The following ADAM12 variants were observed in gnomAD, a reference collection of about 807,000 sequenced individuals.
The protein encoded by ADAM12 is ADAM metallopeptidase domain 12.
In ADAM12, 70 loss-of-function variants were observed where a neutral mutation model predicts 106.4. That is an observed-to-expected ratio of 0.66 (90% CI 0.54 to 0.80). The LOEUF (loss-of-function observed/expected upper bound fraction) is 0.80. Among genes scored for constraint, ADAM12 ranks in the 30% least tolerant of loss-of-function variants. The probability of loss-of-function intolerance (pLI) is 0.00; values close to 1 mark genes in which losing one functional copy is unlikely to be tolerated. For synonymous variants in ADAM12, 420 were observed against 433.5 expected, an observed-to-expected ratio of 0.97 and a Z score of 0.39; for missense variants, 1,010 against 1,171.9, an observed-to-expected ratio of 0.86 and a Z score of 2.02.
intron 8 of ADAM12, among the ~76,000 whole-genome samples, chr10:126,108,383 C>G (rs1955813067): frequency 6.6e-6 from 1 of 152,114 alleles, no homozygotes; most frequent in East Asian, 1.9e-4. Flanking sequence ...GACATGTCAC[C>G]AAGGCCACCA....
At chr10:126,323,061 C>T (rs73386750) in intron 2 of ADAM12, among the ~76,000 whole-genome samples, 3,925 of 152,200 alleles carry the variant, frequency 0.026, 161 homozygotes, top group African/African-American at 0.088. Context: ...CCCAGAGAGT[C>T]TGGGAACAGT....
intron 6 of ADAM12, among the ~76,000 whole-genome samples, chr10:126,115,618 C>CA (rs1955967391): frequency 6.6e-6 from 1 of 152,188 alleles, no homozygotes; most frequent in Non-Finnish European, 1.5e-5. Flanking sequence ...AAGAAAAACG[C>CA]AAACATCTGC....
intron 3 of ADAM12, among the ~76,000 whole-genome samples, chr10:126,179,630 T>C (rs1957278330): frequency 6.6e-6 from 1 of 152,220 alleles, no homozygotes; most frequent in African/African-American, 2.4e-5. Context: ...CTTGGATTAA[T>C]TTGTTAATTA....
chr10:126,170,204 G>A (rs945008121), intron 3 of ADAM12, among the ~76,000 whole-genome samples: 2 of 152,186 alleles, frequency 1.3e-5, no homozygotes, highest in Admixed American at 6.5e-5. Context: ...CGTAGAATGT[G>A]TGTTAGATCA....
chr10:126,204,616 C>T (rs372729010), intron 3 of ADAM12, among the ~76,000 whole-genome samples: 2 of 152,134 alleles, frequency 1.3e-5, no homozygotes, highest in African/African-American at 2.4e-5. Flanking sequence ...CTCAAGAGAC[C>T]GCAAATGAAA....
intron 1 of ADAM12, among the ~76,000 whole-genome samples, chr10:126,358,543 A>C (rs1855628742): frequency 6.6e-6 from 1 of 152,220 alleles, no homozygotes; most frequent in Non-Finnish European, 1.5e-5. Flanking sequence ...ATCATACTCA[A>C]TGGTAAAAAA....
intron 6 of ADAM12, among the ~76,000 whole-genome samples, chr10:126,111,756 C>G (rs890165311): frequency 6.6e-6 from 1 of 152,152 alleles, no homozygotes; most frequent in Non-Finnish European, 1.5e-5. Context: ...CAGAGAACTG[C>G]AAGCTCAGAG....
intron 3 of ADAM12, among the ~76,000 whole-genome samples, chr10:126,253,976 GTC>G (rs1478125102): frequency 2.6e-5 from 4 of 152,224 alleles, no homozygotes; most frequent in Non-Finnish European, 5.9e-5. Flanking sequence ...AGGGCGCTAT[GTC>G]TCTGCCGGCT....
At chr10:126,376,555 A>G (rs1448250424) in intron 1 of ADAM12, among the ~76,000 whole-genome samples, 1 of 152,274 alleles carries the variant, frequency 6.6e-6, no homozygotes, top group Non-Finnish European at 1.5e-5. Context: ...TAGGATATCT[A>G]GAAATATATC....
chr10:126,320,324 C>T (rs1029390762), intron 2 of ADAM12, among the ~76,000 whole-genome samples: 4 of 152,192 alleles, frequency 2.6e-5, no homozygotes, highest in Non-Finnish European at 2.9e-5. Flanking sequence ...AAATTCTTCC[C>T]ACAGCGGCTC....
rs138837236 is a variant in ADAM12 at position 126,348,675 on chromosome 10, C to T, written c.89-18166G>A. On this transcript the variant is annotated intron_variant, in intron 1 of 22. Transcript: ENST00000448723. ...TGAGATTTCCTCTGTCTCTGTGCCACGTGGACTTGCAAACTCACAGAGCCT... is the reference window on the plus strand; with the variant it reads ...TGAGATTTCCTCTGTCTCTGTGCCATGTGGACTTGCAAACTCACAGAGCCT... Among the ~76,000 whole-genome samples, 823 of 152,256 alleles carry T rather than the reference C, an allele frequency of 5.4e-3. 25 individuals carry two copies. Among genetic ancestry groups the T allele is most frequent in the Admixed American group, 0.049 (742 of 15,286 alleles).
chr10:126,150,616 T>G (rs564922785), intron 4 of ADAM12, among the ~76,000 whole-genome samples: 94 of 152,310 alleles, frequency 6.2e-4, no homozygotes, highest in African/African-American at 2.2e-3. Flanking sequence ...CCAAGGACTC[T>G]TGACTCTGGC....
rs74161628 is a variant in ADAM12, at chr10:126,264,901, C to T, written c.260+14014G>A. ...TACCTCCGTGCCAGATGTGAGGATG[C>T]CTTTGTCTTTAAAAACAGCAAGAAA... is the stretch of plus-strand genomic sequence containing the variant. On this transcript the variant is annotated intron_variant, in intron 3 of 22. Transcript: ENST00000448723. Among the ~76,000 whole-genome samples, 866 of 152,194 alleles carry T rather than the reference C, an allele frequency of 5.7e-3. 7 individuals are homozygous for T. The highest frequency in any genetic ancestry group is 0.02 in the African/African-American group (814 of 41,526).
At chr10:126,044,379 T>C (rs9663343) in intron 17 of ADAM12, among the ~76,000 whole-genome samples, 2,849 of 151,688 alleles carry the variant, frequency 0.019, 87 homozygotes, top group African/African-American at 0.066. Flanking sequence ...TAGGAATGAG[T>C]GGGACTACTG....
At chr10:126,146,167 T>C (rs996770843) in intron 4 of ADAM12, among the ~76,000 whole-genome samples, 2 of 151,468 alleles carry the variant, frequency 1.3e-5, no homozygotes, top group African/African-American at 4.9e-5. Context: ...CAGGAAAGGG[T>C]GTGGAATGTG....
At chr10:126,108,256 C>T (rs1320202248) in intron 8 of ADAM12, among the ~76,000 whole-genome samples, 1 of 152,118 alleles carries the variant, frequency 6.6e-6, no homozygotes, top group African/African-American at 2.4e-5. Flanking sequence ...GGGAGAGGCC[C>T]GGCTCAGGAG....
At chr10:126,297,471 G>C (rs1960433032) in intron 2 of ADAM12, among the ~76,000 whole-genome samples, 1 of 152,174 alleles carries the variant, frequency 6.6e-6, no homozygotes, top group African/African-American at 2.4e-5. Flanking sequence ...GATCACTTGA[G>C]CTCAAGAGTT....
At chr10:126,176,148 G>T (rs11244867) in intron 3 of ADAM12, among the ~76,000 whole-genome samples, 13 of 152,158 alleles carry the variant, frequency 8.5e-5, no homozygotes, top group African/African-American at 2.9e-4. Flanking sequence ...ACTGAGTTCC[G>T]GGAAGTTACT....
At chr10:126,052,787 G>A (rs949735923) in intron 14 of ADAM12, among the ~76,000 whole-genome samples, 1 of 152,206 alleles carries the variant, frequency 6.6e-6, no homozygotes, top group Non-Finnish European at 1.5e-5. Context: ...CTATCGTTAT[G>A]ATAGGAAGTC....
Sources: allele counts gnomAD v4.1 joint callset (sites outside exome capture counted in the v4.1 genomes callset), GRCh38; gene constraint gnomAD v4.1.1; transcripts MANE v1.5; gene names NCBI Gene and HGNC (gene_info 2026-07-23, HGNC 2026-07-21).